TFB1M: variants seen among roughly 807,000 people sequenced by gnomAD.
TFB1M encodes dimethyladenosine transferase 1, mitochondrial.
TFB1M carries 27 observed loss-of-function variants against 31.1 expected under a neutral mutation model. The ratio of observed to expected loss-of-function variants is 0.87; its 90% confidence interval spans 0.64 to 1.20. The LOEUF is 1.20. Ranked by LOEUF, TFB1M falls within the 50% of genes most tolerant of loss-of-function variation. TFB1M has a pLI of 0.00. For synonymous variants in TFB1M, 166 were observed against 151.8 expected, an observed-to-expected ratio of 1.09 and a Z score of -0.69; for missense variants, 394 against 418.7, an observed-to-expected ratio of 0.94 and a Z score of 0.51.
chr6:155,276,330 A>G, intron 5 of TFB1M: 1 of 1,613,690 alleles, frequency 6.2e-7, no homozygotes, highest in South Asian at 1.1e-5. Context: ...CCTATCTCTA[A>G]CACACAGCTC....
At chr6:155,282,652 A>G (rs1477053640) in intron 5 of TFB1M, among the ~76,000 whole-genome samples, 2 of 152,182 alleles carry the variant, frequency 1.3e-5, no homozygotes, top group Non-Finnish European at 2.9e-5. Context: ...TGTATGCAGA[A>G]GGTTTAGTTA....
At chr6:155,242,914 C>CT in the TFB1M span, among the ~76,000 whole-genome samples, 1,743 of 126,566 alleles carry the variant, frequency 0.014, 34 homozygotes, top group Non-Finnish European at 0.017. Flanking sequence ...TTTTTTTTTT[C>CT]TTTTTTTTAG....
Position 155,260,346 on chromosome 6 carries a change from G to C in TFB1M, c.721C>G (p.Pro241Ala). 6.2e-7 allele frequency: 1 copy of C among 1,614,192 alleles called. No individual in the cohort carries two copies. Residue 241 changes from proline to alanine, a missense_variant, in exon 6 of 7, where the codon CCA (proline) becomes GCA (alanine). Physicochemically the swap from Pro to Ala is conservative, Grantham distance 27. Coordinates refer to ENST00000367166, the MANE Select transcript of TFB1M (RefSeq NM_016020.4). The stretch of plus-strand genomic sequence containing the variant: ...ACCACTTTTTCCACCAGCTTGAATG[G>C]CTGCTCTATCTTGGGCTGTATCAAG... ...TPLIQPKIEQ[P>A]FKLVEKVVQN...
chr6:155,295,193 C>T (rs1302732412), intron 4 of TFB1M, among the ~76,000 whole-genome samples: 2 of 151,904 alleles, frequency 1.3e-5, no homozygotes, highest in East Asian at 1.9e-4. Flanking sequence ...GGTGAAACCC[C>T]GTCTCTACTA....
intron 4 of TFB1M, among the ~76,000 whole-genome samples, chr6:155,293,702 T>C (rs1777033987): frequency 6.6e-6 from 1 of 152,212 alleles, no homozygotes; most frequent in Non-Finnish European, 1.5e-5. Context: ...GTTATTTTTA[T>C]ATATGTCTCT....
chr6:155,239,447 G>A, the TFB1M span, among the ~76,000 whole-genome samples: 4 of 152,190 alleles, frequency 2.6e-5, no homozygotes, highest in South Asian at 4.1e-4. Context: ...GAAGTGGGGT[G>A]GAGATGTGAG....
At chr6:155,251,855 A>T, downstream of TFB1M, 1 of 984,018 alleles carries the variant, frequency 1.0e-6, no homozygotes, top group Non-Finnish European at 1.5e-6. Context: ...ACGTTTGGAG[A>T]GTGTTACTCT....
In TFB1M at chr6:155,256,925, G is replaced by GA. The variant is rs763193405; in HGVS notation, c.*910dup. On this transcript the variant is annotated 3_prime_UTR_variant, in exon 7 of 7. Transcript: ENST00000367166. The stretch of plus-strand genomic sequence containing the variant: ...CGGGGGCACTTCTGCCCCATTAAAC[G>GA]AAAAGCCAACAGCACCAAGAGGGAC... 1 of 1,614,164 alleles carries GA rather than the reference G, an allele frequency of 6.2e-7. No individual in the cohort carries two copies. The highest frequency in any genetic ancestry group is 1.7e-5 in the Admixed American group (1 of 60,026).
the TFB1M span, among the ~76,000 whole-genome samples, chr6:155,239,096 G>C: frequency 8.5e-5 from 13 of 152,298 alleles, no homozygotes; most frequent in South Asian, 2.5e-3. Context: ...GCTTGTGTAA[G>C]CTTTCTGCAA....
chr6:155,285,264 T>C lies in TFB1M; in HGVS notation c.560A>G (p.Asn187Ser), dbSNP rs1470744381. The part of the protein sequence containing the change: ...QKEVAERLAA[N>S]TGSKQRSRLS... ...GCGACTACGCTGTTTGCTTCCTGTATTGGCTGCAAGTCTCTAGAGAGAGAC... is the reference window on the plus strand; with the variant it reads ...GCGACTACGCTGTTTGCTTCCTGTACTGGCTGCAAGTCTCTAGAGAGAGAC... The change falls in exon 5 of 7, where the codon AAT becomes AGT. Residue 187 changes from asparagine (N) to serine (S), a missense_variant. Physicochemically the swap from Asn to Ser is conservative, Grantham distance 46 (BLOSUM62 1). Coordinates refer to ENST00000367166, the MANE Select transcript of TFB1M (RefSeq NM_016020.4). The C allele has an allele frequency of 1.2e-6, 2 of 1,614,022 alleles. No individual in the cohort carries two copies. Among genetic ancestry groups the C allele is most frequent in the East Asian group, 2.2e-5 (1 of 44,862 alleles).
At chr6:155,238,920 G>A in the TFB1M span, among the ~76,000 whole-genome samples, 1 of 152,190 alleles carries the variant, frequency 6.6e-6, no homozygotes, top group Non-Finnish European at 1.5e-5. Flanking sequence ...GAGTTTTAAT[G>A]TGGATTGTAT....
At chr6:155,267,146 T>C (rs555786322) in intron 5 of TFB1M, among the ~76,000 whole-genome samples, 1 of 152,122 alleles carries the variant, frequency 6.6e-6, no homozygotes, top group Non-Finnish European at 1.5e-5. Context: ...GGCCAATTTT[T>C]GTATTTTTAA....
chr6:155,245,060 G>T, the TFB1M span, among the ~76,000 whole-genome samples: 1 of 152,180 alleles, frequency 6.6e-6, no homozygotes, highest in African/African-American at 2.4e-5. Flanking sequence ...CAGCTGCTGT[G>T]AAGGATATCC....
chr6:155,295,261 G>A (rs1185935690), intron 4 of TFB1M, among the ~76,000 whole-genome samples: 1 of 152,038 alleles, frequency 6.6e-6, no homozygotes, highest in Non-Finnish European at 1.5e-5. Flanking sequence ...AGCTACTCGG[G>A]AGGCTGAGGC....
downstream of TFB1M, chr6:155,253,151 C>A: frequency 9.7e-7 from 1 of 1,028,792 alleles, no homozygotes; most frequent in Non-Finnish European, 1.4e-6. Context: ...ATTTTTGGTG[C>A]CTTTTATTTT....
chr6:155,276,117 TA>T, intron 5 of TFB1M: 1 of 1,614,220 alleles, frequency 6.2e-7, no homozygotes, highest in Non-Finnish European at 8.5e-7. Context: ...ATCTCTAGTT[TA>T]ATCTCGACAG....
chr6:155,278,858 G>C (rs1785346721), intron 5 of TFB1M, among the ~76,000 whole-genome samples: 1 of 152,336 alleles, frequency 6.6e-6, no homozygotes, highest in Non-Finnish European at 1.5e-5. Context: ...ATGATACACA[G>C]AAAGCAGTTG....
At chr6:155,266,617 C>T (rs1246798322) in intron 5 of TFB1M, among the ~76,000 whole-genome samples, 3 of 151,956 alleles carry the variant, frequency 2.0e-5, no homozygotes, top group Admixed American at 6.5e-5. Context: ...AAGGCCAAAG[C>T]GGGCGAATCA....
intron 4 of TFB1M, among the ~76,000 whole-genome samples, chr6:155,288,517 T>C (rs1776766612): frequency 6.6e-6 from 1 of 152,148 alleles, no homozygotes; most frequent in Non-Finnish European, 1.5e-5. Flanking sequence ...AATTCAAAAA[T>C]TCAAAATGCA....
Sources: gnomAD v4.1 joint callset for allele counts (sites outside exome capture counted in the v4.1 genomes callset) on GRCh38, gnomAD v4.1.1 for gene constraint, MANE v1.5 for transcripts, NCBI Gene and HGNC (gene_info 2026-07-23, HGNC 2026-07-21) for gene names.